PTPRT: variants seen among roughly 807,000 people sequenced by gnomAD.
PTPRT encodes receptor-type tyrosine-protein phosphatase T.
Under a neutral mutation model 176.8 loss-of-function variants are expected in PTPRT, and 56 were observed. The observed-to-expected ratio is 0.32, with a 90% CI of 0.26 to 0.40. The LOEUF (loss-of-function observed/expected upper bound fraction) is 0.40, where lower values mean the gene tolerates loss of function less well. Ranked by LOEUF, PTPRT falls within the 10% of genes least tolerant of loss-of-function variation. The probability of loss-of-function intolerance (pLI) is 1.00; values close to 1 mark genes in which losing one functional copy is unlikely to be tolerated. For synonymous variants in PTPRT, 783 were observed against 739.0 expected (o/e 1.06, Z -0.96); for missense variants, 1,540 against 1,908.2 (o/e 0.81, Z 3.60).
intron 6 of PTPRT, among the ~76,000 whole-genome samples, chr20:42,736,675 C>T (rs1347044663): frequency 6.6e-6 from 1 of 151,456 alleles, no homozygotes; most frequent in East Asian, 1.9e-4. Flanking sequence ...TTCCTGAGAA[C>T]TATGGCTGGA....
chr20:42,371,878 G>A (rs1600909316), intron 9 of PTPRT, among the ~76,000 whole-genome samples: 2 of 152,326 alleles, frequency 1.3e-5, no homozygotes. Flanking sequence ...GAACTAGGGA[G>A]TAAGACTGGG....
At chr20:42,863,535 G>A in intron 2 of PTPRT, among the ~76,000 whole-genome samples, 1 of 152,180 alleles carries the variant, frequency 6.6e-6, no homozygotes, top group East Asian at 1.9e-4. Flanking sequence ...GATCACAAAT[G>A]CTCACGAATT....
rs559191571 is a variant in PTPRT at position 43,042,150 on chromosome 20, T to C, written c.88+147496A>G. ...TAAAGGCCTGGTGCACAGCAGGTGC[T>C]CATTACGGGCTATTTTCCTCCCTTC... On this transcript the variant is annotated intron_variant, in intron 1 of 30. Coordinates refer to ENST00000373187, the MANE Select transcript of PTPRT (RefSeq NM_007050.6). Among the ~76,000 whole-genome samples the C allele has an allele frequency of 2.0e-5, 3 of 152,346 alleles. No homozygotes were observed. In the South Asian group the frequency reaches 6.2e-4, roughly 32 times the overall value.
intron 7 of PTPRT, among the ~76,000 whole-genome samples, chr20:42,660,744 A>T (rs2075208260): frequency 6.6e-6 from 1 of 152,204 alleles, no homozygotes; most frequent in South Asian, 2.1e-4. Flanking sequence ...ATCCCTGGGG[A>T]GTATATAGTC....
chr20:42,550,845 C>T (rs1490176380), intron 7 of PTPRT, among the ~76,000 whole-genome samples: 1 of 152,158 alleles, frequency 6.6e-6, no homozygotes, highest in African/African-American at 2.4e-5. Context: ...GTTTTGAAAG[C>T]ATTTCTCAGT....
Position 43,189,099 on chromosome 20 carries a change from C to T in PTPRT, c.88+547G>A, listed in dbSNP as rs1252244562. 6.6e-6 allele frequency among the ~76,000 whole-genome samples: 1 copy of T among 152,188 alleles called. No homozygotes were observed. The highest frequency in any genetic ancestry group is 2.4e-5 in the African/African-American group (1 of 41,450). On this transcript the variant is annotated intron_variant, in intron 1 of 30. Transcript: ENST00000373187. The surrounding 1 kb of genome is among the most constrained non-coding windows in gnomAD (Gnocchi z 5.0). ...ATCAACGCAAACATCCCCTCGGGTG[C>T]CTACAGCGGCCTGCTTAGGGGAGCA...
At chr20:42,408,232 T>G (rs979629004) in intron 9 of PTPRT, among the ~76,000 whole-genome samples, 18 of 152,144 alleles carry the variant, frequency 1.2e-4, no homozygotes, top group Non-Finnish European at 1.9e-4. Flanking sequence ...CGATGTTTCT[T>G]TATTAAGCTT....
chr20:42,832,920 A>G (rs922646446), intron 2 of PTPRT, among the ~76,000 whole-genome samples: 12 of 151,820 alleles, frequency 7.9e-5, no homozygotes, highest in African/African-American at 2.7e-4. Context: ...CCTGGGCAAT[A>G]AAAAACTGTG....
At chr20:42,682,951 T>C (rs1324171693) in intron 6 of PTPRT, among the ~76,000 whole-genome samples, 1 of 152,188 alleles carries the variant, frequency 6.6e-6, no homozygotes, top group Non-Finnish European at 1.5e-5. Flanking sequence ...GCATGTACTG[T>C]CTGCTCTAGA....
rs552543642 is a variant in PTPRT, at chr20:42,483,791, A to G, written c.1154-11229T>C. On this transcript the variant is annotated intron_variant, in intron 7 of 30. Coordinates refer to ENST00000373187, the MANE Select transcript of PTPRT (RefSeq NM_007050.6). ...TTATTCAGCCATTGTCTTTGGCTCCAAACATGCCCTCTGTATCTTGCTTTA... is the reference window on the plus strand; with the variant it reads ...TTATTCAGCCATTGTCTTTGGCTCCGAACATGCCCTCTGTATCTTGCTTTA... 1.0e-4 allele frequency among the ~76,000 whole-genome samples: 16 copies of G among 152,382 alleles called. No individual in the cohort carries two copies. The South Asian group carries it at 3.3e-3, about 32-fold the overall frequency.
intron 1 of PTPRT, among the ~76,000 whole-genome samples, chr20:43,024,185 T>G (rs1985819866): frequency 6.6e-6 from 1 of 152,214 alleles, no homozygotes; most frequent in Admixed American, 6.5e-5. Flanking sequence ...GGTGGCTTCC[T>G]CTGCATAATG....
intron 27 of PTPRT, among the ~76,000 whole-genome samples, chr20:42,086,139 G>A (rs902095343): frequency 1.3e-5 from 2 of 151,978 alleles, no homozygotes; most frequent in East Asian, 1.9e-4. Context: ...GGGTTTCGCC[G>A]TGTTGGCCAG....
intron 1 of PTPRT, among the ~76,000 whole-genome samples, chr20:43,058,637 A>G (rs1003567246): frequency 6.6e-6 from 1 of 152,152 alleles, no homozygotes; most frequent in African/African-American, 2.4e-5. Context: ...GCAAAATAAC[A>G]AAGTGGTCAT....
At chr20:42,188,883 G>T (rs927579158) in intron 16 of PTPRT, among the ~76,000 whole-genome samples, 1 of 152,148 alleles carries the variant, frequency 6.6e-6, no homozygotes, top group Non-Finnish European at 1.5e-5. Flanking sequence ...AGGAATGCTT[G>T]GGCCAGCTGA....
At chr20:42,144,665 C>G (rs1393800851) in intron 17 of PTPRT, among the ~76,000 whole-genome samples, 1 of 152,154 alleles carries the variant, frequency 6.6e-6, no homozygotes, top group African/African-American at 2.4e-5. Context: ...ATTATCAGAC[C>G]ATGTTTTGAT....
intron 5 of PTPRT, among the ~76,000 whole-genome samples, chr20:42,756,949 G>T (rs935358962): frequency 1.3e-5 from 2 of 151,778 alleles, no homozygotes; most frequent in African/African-American, 4.8e-5. Context: ...TACTCTGGAG[G>T]GTGAGGAAGG....
At position 42,648,181 on chromosome 20, in the gene PTPRT, T is replaced by C. The variant is rs144219172; in HGVS notation, c.1153+29685A>G. On this transcript the variant is annotated intron_variant, in intron 7 of 30. Transcript: ENST00000373187. ...ATTTACTGGGTTATTGGCTGTCATATTGAAGACAAATGCATCCAAGGAAAA... is the reference window on the plus strand; with the variant it reads ...ATTTACTGGGTTATTGGCTGTCATACTGAAGACAAATGCATCCAAGGAAAA... Among the ~76,000 whole-genome samples the C allele has an allele frequency of 7.8e-3, 1,189 of 152,272 alleles. 11 individuals are homozygous for C. Among genetic ancestry groups the C allele is most frequent in the Non-Finnish European group, 0.013 (856 of 68,036 alleles).
At chr20:43,035,144 C>T (rs1174286064) in intron 1 of PTPRT, among the ~76,000 whole-genome samples, 2 of 152,056 alleles carry the variant, frequency 1.3e-5, no homozygotes, top group Non-Finnish European at 2.9e-5. Context: ...GAGAACAGGC[C>T]CCTCGTAGTG....
chr20:43,058,735 T>C (rs2146247694), intron 1 of PTPRT, among the ~76,000 whole-genome samples: 1 of 152,356 alleles, frequency 6.6e-6, no homozygotes, highest in South Asian at 2.1e-4. Context: ...GTGGCTCCTT[T>C]TGTCTGTTCA....
Sources: allele counts gnomAD v4.1 joint callset (sites outside exome capture counted in the v4.1 genomes callset), GRCh38; gene constraint gnomAD v4.1.1; non-coding constraint Gnocchi (gnomAD v3.1); transcripts MANE v1.5; gene names NCBI Gene and HGNC (gene_info 2026-07-23, HGNC 2026-07-21).